Variants in CNTN5 observed in about 807,000 individuals in gnomAD.
The protein encoded by CNTN5 is contactin 5.
Under a neutral mutation model 129.1 loss-of-function variants are expected in CNTN5, and 77 were observed. The observed-to-expected ratio is 0.60, with a 90% CI of 0.50 to 0.72. The LOEUF is 0.72. Among genes scored for constraint, CNTN5 ranks in the 30% least tolerant of loss-of-function variants. The pLI, the probability that CNTN5 is intolerant of heterozygous loss-of-function variation, is 0.00. For missense variants in CNTN5, 1,478 were observed against 1,328.8 expected, an observed-to-expected ratio of 1.11 and a Z score of -1.75; for synonymous variants, 509 against 465.6, an observed-to-expected ratio of 1.09 and a Z score of -1.20.
intron 1 of CNTN5, among the ~76,000 whole-genome samples, chr11:99,031,051 C>A (rs1489284625): frequency 6.6e-6 from 1 of 152,104 alleles, no homozygotes; most frequent in Non-Finnish European, 1.5e-5. Context: ...CCCGTCTCGG[C>A]CTCCCAAAGT....
chr11:99,340,230 C>G (rs1866445632), intron 2 of CNTN5, among the ~76,000 whole-genome samples: 1 of 151,984 alleles, frequency 6.6e-6, no homozygotes, highest in Non-Finnish European at 1.5e-5. Flanking sequence ...CATTTCCAGA[C>G]AGGTGTGGGG....
At chr11:99,649,863 T>C (rs1361783872) in intron 3 of CNTN5, among the ~76,000 whole-genome samples, 1 of 151,726 alleles carries the variant, frequency 6.6e-6, no homozygotes, top group East Asian at 1.9e-4. Flanking sequence ...GGTTACTTGA[T>C]TACAAAAATT....
At chr11:99,551,014 G>A (rs375258432) in intron 2 of CNTN5, among the ~76,000 whole-genome samples, 83 of 152,196 alleles carry the variant, frequency 5.5e-4, no homozygotes, top group African/African-American at 1.8e-3. Context: ...TATAATGTAC[G>A]TATGAAATAA....
chr11:99,881,890 C>T (rs922572151), intron 6 of CNTN5, among the ~76,000 whole-genome samples: 1 of 152,186 alleles, frequency 6.6e-6, no homozygotes, highest in African/African-American at 2.4e-5. Context: ...GTAAGTTACT[C>T]CTATCTCATC....
chr11:100,300,550 T>C (rs1298801719), intron 20 of CNTN5, among the ~76,000 whole-genome samples: 1 of 151,574 alleles, frequency 6.6e-6, no homozygotes, highest in Admixed American at 6.6e-5. Flanking sequence ...AATTAATTAT[T>C]ATATCCCCCC....
At chr11:100,039,970 G>A (rs1049299188) in intron 9 of CNTN5, among the ~76,000 whole-genome samples, 23 of 152,132 alleles carry the variant, frequency 1.5e-4, no homozygotes, top group African/African-American at 5.1e-4. Context: ...CTCTCAACTC[G>A]TCAAAGTCAT....
intron 8 of CNTN5, among the ~76,000 whole-genome samples, chr11:99,981,916 T>C (rs1424773443): frequency 6.6e-6 from 1 of 152,150 alleles, no homozygotes; most frequent in Non-Finnish European, 1.5e-5. Flanking sequence ...CAATAAATTA[T>C]CTCATTAGAG....
intron 2 of CNTN5, among the ~76,000 whole-genome samples, chr11:99,514,368 C>T (rs1946962821): frequency 6.6e-6 from 1 of 152,000 alleles, no homozygotes; most frequent in African/African-American, 2.4e-5. Flanking sequence ...GATAAAGCAG[C>T]ATCAGGGTTT....
chr11:99,064,881 C>T (rs35891335), intron 1 of CNTN5, among the ~76,000 whole-genome samples: 45,198 of 151,568 alleles, frequency 0.3, 6,932 homozygotes, highest in African/African-American at 0.33. Flanking sequence ...TGGGAAGTCT[C>T]ATATTTCTAA....
chr11:99,196,418 G>C (rs911718339), intron 1 of CNTN5, among the ~76,000 whole-genome samples: 1 of 151,834 alleles, frequency 6.6e-6, no homozygotes, highest in Non-Finnish European at 1.5e-5. Context: ...ACATGTGTCT[G>C]TGCATGTATG....
At chr11:99,700,035 G>T (rs1189453779) in intron 3 of CNTN5, among the ~76,000 whole-genome samples, 1 of 151,260 alleles carries the variant, frequency 6.6e-6, no homozygotes, top group Non-Finnish European at 1.5e-5. Context: ...ATTTGATATT[G>T]GCCTCCATGG....
intron 13 of CNTN5, among the ~76,000 whole-genome samples, chr11:100,137,196 G>A (rs1406402369): frequency 6.6e-6 from 1 of 151,944 alleles, no homozygotes; most frequent in African/African-American, 2.4e-5. Flanking sequence ...TCCATCACAT[G>A]TGTCAAATAG....
At chr11:99,954,756 C>T (rs1405199177) in intron 7 of CNTN5, among the ~76,000 whole-genome samples, 2 of 152,112 alleles carry the variant, frequency 1.3e-5, no homozygotes, top group African/African-American at 4.8e-5. Flanking sequence ...TTGGCACTGG[C>T]AGAAAATCCA....
intron 1 of CNTN5, among the ~76,000 whole-genome samples, chr11:99,168,600 A>AAAACAAAACAAAACAAAACG (rs1241704851): frequency 6.6e-6 from 1 of 152,044 alleles, no homozygotes; most frequent in African/African-American, 2.4e-5. Flanking sequence ...AAAACAAAAC[A>AAAACAAAACAAAACAAAACG]AAAGGATAGG....
At chr11:99,633,787 G>A (rs1390979330) in intron 3 of CNTN5, among the ~76,000 whole-genome samples, 5 of 152,188 alleles carry the variant, frequency 3.3e-5, no homozygotes, top group Admixed American at 1.3e-4. Flanking sequence ...CACATAAGAT[G>A]TGTAGAGCTT....
chr11:99,928,331 C>T (rs1308566395), intron 7 of CNTN5, among the ~76,000 whole-genome samples: 1 of 152,192 alleles, frequency 6.6e-6, no homozygotes, highest in Non-Finnish European at 1.5e-5. Flanking sequence ...CTACACTAGG[C>T]AATGCCCAAG....
At chr11:99,281,452 C>A (rs1863689256) in intron 1 of CNTN5, among the ~76,000 whole-genome samples, 1 of 151,924 alleles carries the variant, frequency 6.6e-6, no homozygotes, top group South Asian at 2.1e-4. Flanking sequence ...TGCTTCCTCA[C>A]CTATGTCCAG....
intron 7 of CNTN5, among the ~76,000 whole-genome samples, chr11:99,944,481 C>A (rs1331487985): frequency 1.3e-5 from 2 of 152,074 alleles, no homozygotes; most frequent in African/African-American, 2.4e-5. Flanking sequence ...TTCACCACTT[C>A]TATTCAATGT....
At chr11:100,120,724 C>T (rs1468211510) in intron 13 of CNTN5, among the ~76,000 whole-genome samples, 1 of 151,764 alleles carries the variant, frequency 6.6e-6, no homozygotes, top group African/African-American at 2.4e-5. Flanking sequence ...CTTATTTTTA[C>T]ACCATTTTTG....
Sources: allele counts gnomAD v4.1 joint callset (sites outside exome capture counted in the v4.1 genomes callset), GRCh38; gene constraint gnomAD v4.1.1; transcripts MANE v1.5; gene names NCBI Gene and HGNC (gene_info 2026-07-23, HGNC 2026-07-21).